The following SPIRE1 variants were observed in gnomAD, a reference collection of about 807,000 sequenced individuals.
SPIRE1 encodes protein spire homolog 1.
SPIRE1 carries 40 observed loss-of-function variants against 94.1 expected under a neutral mutation model. That is an observed-to-expected ratio of 0.43 (90% confidence interval 0.33 to 0.55). The LOEUF is 0.55. Ranked by LOEUF, SPIRE1 falls within the 20% of genes least tolerant of loss-of-function variation. The pLI is 0.06. For synonymous variants in SPIRE1, 376 were observed against 371.7 expected (o/e 1.01, Z -0.13); for missense variants, 838 against 975.2 (o/e 0.86, Z 1.87).
intron 9 of SPIRE1, among the ~76,000 whole-genome samples, chr18:12,480,811 G>A (rs2032811967): frequency 6.6e-6 from 1 of 152,170 alleles, no homozygotes; most frequent in African/African-American, 2.4e-5. Flanking sequence ...CAAATGAAGA[G>A]TTAAAAATGG....
intron 10 of SPIRE1, among the ~76,000 whole-genome samples, chr18:12,473,270 C>T (rs1568192166): frequency 6.6e-6 from 1 of 151,416 alleles, no homozygotes; most frequent in Non-Finnish European, 1.5e-5. Context: ...AAAAGCTACA[C>T]AAATGTGCAT....
At chr18:12,485,933 T>G in intron 9 of SPIRE1, 26 bp downstream of exon 9, 4 of 1,514,056 alleles carry the variant, frequency 2.6e-6, no homozygotes, top group Non-Finnish European at 3.6e-6. Context: ...CCACGTCAGG[T>G]GTAAAAGTGT....
At chr18:12,515,933 C>T (rs1163163591) in intron 4 of SPIRE1, 1 of 152,110 alleles carries the variant, frequency 6.6e-6, no homozygotes, top group Admixed American at 6.6e-5. Flanking sequence ...TATAGGTGTT[C>T]CCAAAAGCAT....
intron 2 of SPIRE1, among the ~76,000 whole-genome samples, chr18:12,632,262 A>C (rs2037802708): frequency 6.6e-6 from 1 of 152,044 alleles, no homozygotes; most frequent in African/African-American, 2.4e-5. Context: ...GAGCAGCACT[A>C]CTCCAGACAA....
chr18:12,569,592 G>A (rs1284869414), intron 2 of SPIRE1, among the ~76,000 whole-genome samples: 1 of 150,644 alleles, frequency 6.6e-6, no homozygotes, highest in African/African-American at 2.4e-5. Flanking sequence ...CTAATTTTAG[G>A]AGGTTATTGG....
chr18:12,510,316 T>C (rs1381404207), intron 5 of SPIRE1, among the ~76,000 whole-genome samples: 1 of 152,078 alleles, frequency 6.6e-6, no homozygotes, highest in African/African-American at 2.4e-5. Context: ...AATATATATA[T>C]GTACAAAATA....
At chr18:12,618,103 TA>T (rs199982375) in intron 2 of SPIRE1, among the ~76,000 whole-genome samples, 2,177 of 152,178 alleles carry the variant, frequency 0.014, 55 homozygotes, top group African/African-American at 0.05. Context: ...ACTTATTTTT[TA>T]TTTTTTATTT....
At chr18:12,571,228 C>G (rs1466951184) in intron 2 of SPIRE1, among the ~76,000 whole-genome samples, 1 of 152,068 alleles carries the variant, frequency 6.6e-6, no homozygotes, top group Non-Finnish European at 1.5e-5. Context: ...GTGCCAGCCA[C>G]TACGCTCGGC....
At chr18:12,609,938 A>G (rs2037092560) in intron 2 of SPIRE1, among the ~76,000 whole-genome samples, 1 of 151,770 alleles carries the variant, frequency 6.6e-6, no homozygotes, top group Admixed American at 6.6e-5. Context: ...TCCAGACTAA[A>G]CCTGAATCTC....
intron 4 of SPIRE1, among the ~76,000 whole-genome samples, chr18:12,531,392 T>C (rs1392058137): frequency 2.0e-5 from 3 of 152,220 alleles, no homozygotes; most frequent in Non-Finnish European, 4.4e-5. Context: ...GAAACCTACA[T>C]CAAAGTATCT....
Position 12,657,630 on chromosome 18 carries a change from G to A in SPIRE1, c.237C>T (p.Arg79=). ...TCTGCGCGGCCGAGCGCACACGGTG[G>A]CGGGGCTGGCGGCGGCGGGCGGCGG... ...LRAAARRRQP[R]HRVRSAAQIR... Residue 79 remains arginine (R), a synonymous_variant, in exon 1 of 17, where the codon CGC becomes CGT. Coordinates refer to ENST00000409402, the MANE Select transcript of SPIRE1 (RefSeq NM_001128626.2). 1 of 1,312,268 alleles carries A rather than the reference G, an allele frequency of 7.6e-7. No individual in the cohort carries two copies. The highest frequency in any genetic ancestry group is 9.7e-7 in the Non-Finnish European group (1 of 1,030,256). 81.3% of individuals were successfully genotyped at this position (1,312,268 alleles called of 1,614,324 possible).
intron 2 of SPIRE1, among the ~76,000 whole-genome samples, chr18:12,608,075 G>A (rs912288875): frequency 6.6e-6 from 1 of 151,184 alleles, no homozygotes; most frequent in Non-Finnish European, 1.5e-5. Flanking sequence ...GGGGAATGAC[G>A]TGAACTCGGG....
At chr18:12,552,712 C>A (rs567843258) in intron 2 of SPIRE1, among the ~76,000 whole-genome samples, 2 of 152,192 alleles carry the variant, frequency 1.3e-5, no homozygotes, top group South Asian at 2.1e-4. Flanking sequence ...TCACGTACCC[C>A]CTGCTTGCTC....
chr18:12,569,694 T>G (rs1271797649), intron 2 of SPIRE1, among the ~76,000 whole-genome samples: 2 of 151,446 alleles, frequency 1.3e-5, no homozygotes, highest in African/African-American at 4.9e-5. Context: ...TCTGAGTTAC[T>G]AGTCTCAAGG....
At chr18:12,581,997 T>C (rs1489010992) in intron 2 of SPIRE1, among the ~76,000 whole-genome samples, 1 of 152,222 alleles carries the variant, frequency 6.6e-6, no homozygotes, top group Non-Finnish European at 1.5e-5. Context: ...AAGGTTCACA[T>C]TCCCATAAAG....
Position 12,493,061 on chromosome 18 carries a change from A to G in SPIRE1, c.1189+11T>C. 6.2e-7 allele frequency: 1 copy of G among 1,605,234 alleles called. No individual in the cohort carries two copies. Among genetic ancestry groups the G allele is most frequent in the East Asian group, 2.2e-5 (1 of 44,838 alleles). ...TGACTCTAGACTGAGTACAGGAAGC[A>G]GTGGACTCACCTAATCTGCTACGTC... is the stretch of plus-strand genomic sequence containing the variant. On this transcript the variant is annotated intron_variant, in intron 8 of 16. Transcript: ENST00000409402.
chr18:12,522,794 TG>T (rs2034400304), intron 4 of SPIRE1, among the ~76,000 whole-genome samples: 1 of 152,174 alleles, frequency 6.6e-6, no homozygotes, highest in East Asian at 1.9e-4. Context: ...GCGGCACATC[TG>T]TTTACAGCAA....
At chr18:12,644,300 C>T (rs1048142983) in intron 1 of SPIRE1, among the ~76,000 whole-genome samples, 9 of 151,598 alleles carry the variant, frequency 5.9e-5, no homozygotes, top group African/African-American at 2.2e-4. Flanking sequence ...ACACATCAGG[C>T]AATACAACAG....
At chr18:12,642,655 G>C (rs1004564584) in intron 1 of SPIRE1, among the ~76,000 whole-genome samples, 1 of 152,200 alleles carries the variant, frequency 6.6e-6, no homozygotes, top group Non-Finnish European at 1.5e-5. Context: ...GCAAGTACAG[G>C]ATAGGAGGTG....
Sources: allele counts gnomAD v4.1 joint callset (sites outside exome capture counted in the v4.1 genomes callset), GRCh38; gene constraint gnomAD v4.1.1; transcripts MANE v1.5; gene names NCBI Gene and HGNC (gene_info 2026-07-23, HGNC 2026-07-21).